The following SGCD variants were observed in gnomAD, a reference collection of about 807,000 sequenced individuals.
SGCD encodes sarcoglycan delta.
A neutral mutation model predicts 36.6 loss-of-function variants in SGCD; 18 were observed. The ratio of observed to expected loss-of-function variants is 0.49; its 90% CI spans 0.34 to 0.73. The LOEUF (loss-of-function observed/expected upper bound fraction) is 0.73, where lower values mean the gene tolerates loss of function less well. Among genes scored for constraint, SGCD ranks in the 30% least tolerant of loss-of-function variants. The pLI is 0.01. For synonymous variants in SGCD, 133 were observed against 130.6 expected (o/e 1.02, Z -0.12); for missense variants, 387 against 346.7 (o/e 1.12, Z -0.92).
intron 3 of SGCD, among the ~76,000 whole-genome samples, chr5:156,301,568 C>T (rs573135539): frequency 5.9e-5 from 9 of 152,130 alleles, no homozygotes; most frequent in African/African-American, 1.9e-4. Context: ...TTATAATAGT[C>T]TGTATTTGTC....
the SGCD span, among the ~76,000 whole-genome samples, chr5:155,824,319 C>G: frequency 6.6e-6 from 1 of 152,090 alleles, no homozygotes. Context: ...TAACATCTAC[C>G]TCCTAGGGCT....
At chr5:156,429,720 C>G (rs775517188) in intron 3 of SGCD, among the ~76,000 whole-genome samples, 8 of 151,998 alleles carry the variant, frequency 5.3e-5, no homozygotes, top group South Asian at 2.1e-4. Context: ...CTGGTAGTGG[C>G]AAATTCTCTC....
chr5:155,824,736 T>C, the SGCD span, among the ~76,000 whole-genome samples: 1 of 152,196 alleles, frequency 6.6e-6, no homozygotes, highest in South Asian at 2.1e-4. Flanking sequence ...GATGCATTAC[T>C]GTAGCTGTTA....
chr5:155,978,018 T>G (rs1758153978), intron 1 of SGCD, among the ~76,000 whole-genome samples: 1 of 152,034 alleles, frequency 6.6e-6, no homozygotes, highest in South Asian at 2.1e-4. Context: ...CGCTTAAACC[T>G]AGGCAGCAGA....
chr5:156,502,925 CTA>C (rs1386979595), intron 3 of SGCD, among the ~76,000 whole-genome samples: 1 of 152,154 alleles, frequency 6.6e-6, no homozygotes, highest in Non-Finnish European at 1.5e-5. Flanking sequence ...AAAATTCACA[CTA>C]TTTGATAGAC....
chr5:156,447,121 G>A (rs775790999), intron 3 of SGCD, among the ~76,000 whole-genome samples: 52 of 152,098 alleles, frequency 3.4e-4, no homozygotes, highest in Non-Finnish European at 5.6e-4. Flanking sequence ...ATTTCACGGC[G>A]TTTTATTGGG....
chr5:155,866,473 C>T (rs1392052229), upstream of SGCD, among the ~76,000 whole-genome samples: 1 of 152,170 alleles, frequency 6.6e-6, no homozygotes, highest in East Asian at 1.9e-4. Flanking sequence ...GATATTCCTC[C>T]CCATTCCTGC....
At chr5:156,091,396 G>T (rs1415069172) in intron 1 of SGCD, among the ~76,000 whole-genome samples, 1 of 152,176 alleles carries the variant, frequency 6.6e-6, no homozygotes, top group Non-Finnish European at 1.5e-5. Context: ...CACTTTCCTT[G>T]GGACAGCTCT....
intron 1 of SGCD, among the ~76,000 whole-genome samples, chr5:155,996,902 T>C (rs867636867): frequency 2.8e-5 from 4 of 144,076 alleles, no homozygotes; most frequent in African/African-American, 5.0e-5. Flanking sequence ...GATAGATAGA[T>C]AGATAGACAG....
rs149140258 is a variant in SGCD at position 156,499,671 on chromosome 5, C to T, written c.193-8930C>T. ...AAAGGGGAGGGGTTTGGAAAAATTG[C>T]GAGCATGTTCTGTGACAGAGTGAAG... On this transcript the variant is annotated intron_variant, in intron 3 of 8. Transcript: ENST00000337851. 6.7e-3 allele frequency among the ~76,000 whole-genome samples: 1,025 copies of T among 152,176 alleles called. 11 individuals are homozygous for T. The highest frequency in any genetic ancestry group is 0.011 in the Admixed American group (163 of 15,272).
chr5:155,909,357 C>T (rs1756585826), intron 1 of SGCD, among the ~76,000 whole-genome samples: 1 of 152,088 alleles, frequency 6.6e-6, no homozygotes, highest in Non-Finnish European at 1.5e-5. Flanking sequence ...ATCTTTCATA[C>T]TTTGTGACAA....
chr5:155,866,709 C>G (rs536097513), upstream of SGCD, among the ~76,000 whole-genome samples: 1 of 152,270 alleles, frequency 6.6e-6, no homozygotes, highest in East Asian at 1.9e-4. Context: ...ATCCTAACAG[C>G]AGGGATCTTC....
chr5:156,021,435 G>A (rs1171861076), intron 1 of SGCD, among the ~76,000 whole-genome samples: 4 of 152,096 alleles, frequency 2.6e-5, no homozygotes, highest in Non-Finnish European at 5.9e-5. Context: ...TGGGAGGATC[G>A]CTTGAGCCCA....
intron 3 of SGCD, among the ~76,000 whole-genome samples, chr5:156,284,789 T>C (rs1313507211): frequency 2.0e-5 from 3 of 152,030 alleles, no homozygotes; most frequent in Non-Finnish European, 4.4e-5. Context: ...CTCTCACCAC[T>C]CCTATTCAAC....
At chr5:156,604,398 A>G (rs943163043) in intron 6 of SGCD, among the ~76,000 whole-genome samples, 9 of 151,906 alleles carry the variant, frequency 5.9e-5, no homozygotes, top group African/African-American at 1.7e-4. Context: ...AAAGTTATTT[A>G]TGATAGGTGA....
chr5:155,859,507 T>C, the SGCD span, among the ~76,000 whole-genome samples: 2 of 152,228 alleles, frequency 1.3e-5, no homozygotes, highest in African/African-American at 4.8e-5. Context: ...TTCTGTTTCT[T>C]CAAAATATTC....
At chr5:156,406,310 C>T (rs1217011754) in intron 3 of SGCD, among the ~76,000 whole-genome samples, 1 of 152,106 alleles carries the variant, frequency 6.6e-6, no homozygotes, top group East Asian at 1.9e-4. Context: ...AGGAGAAGCT[C>T]CAGCGTCTCT....
chr5:155,903,291 A>T (rs1756428279), intron 1 of SGCD, among the ~76,000 whole-genome samples: 1 of 151,866 alleles, frequency 6.6e-6, no homozygotes. Context: ...TATTTCTTCC[A>T]TGTATTCTTG....
intron 3 of SGCD, among the ~76,000 whole-genome samples, chr5:156,162,900 G>C (rs1763117749): frequency 1.3e-5 from 2 of 151,422 alleles, no homozygotes; most frequent in South Asian, 4.1e-4. Flanking sequence ...CTAACCCTGG[G>C]GGATGAGGCA....
Sources: allele counts gnomAD v4.1 joint callset (sites outside exome capture counted in the v4.1 genomes callset), GRCh38; gene constraint gnomAD v4.1.1; transcripts MANE v1.5; gene names NCBI Gene and HGNC (gene_info 2026-07-23, HGNC 2026-07-21).